Variants in HSPBAP1 observed in about 807,000 individuals in gnomAD.
HSPBAP1 encodes HSPB1-associated protein 1.
HSPBAP1 carries 27 observed loss-of-function variants against 45.2 expected under a neutral mutation model. That is an observed-to-expected ratio of 0.60 (90% CI 0.44 to 0.82). The LOEUF (loss-of-function observed/expected upper bound fraction) is 0.82, where lower values mean the gene tolerates loss of function less well. HSPBAP1 is among the 40% of genes least tolerant of loss of function. HSPBAP1 has a pLI of 0.00. For synonymous variants in HSPBAP1, 204 were observed against 202.7 expected (o/e 1.01, Z -0.06); for missense variants, 510 against 590.9 (o/e 0.86, Z 1.42).
At chr3:122,754,337 TG>T (rs1303364948) in intron 5 of HSPBAP1, 3 of 158,286 alleles carry the variant, frequency 1.9e-5, no homozygotes. Context: ...TTCTATGACG[TG>T]GATGACCCTT....
rs748795293 is a variant in HSPBAP1, at chr3:122,740,703, G to A, written c.1109C>T (p.Thr370Ile). ...NVCNHMEVGQ[T>I]GSQNLTTGTD... The stretch of plus-strand genomic sequence containing the variant: ...TCCTGTGGTCAAGTTCTGGCTACCT[G>A]TTTGGCCCACCTCCATGTGGTTGCA... The change falls in exon 8 of 8, where the codon ACA becomes ATA. Residue 370 changes from threonine (T) to isoleucine (I), a missense_variant. Transcript: ENST00000306103. The A allele has an allele frequency of 6.2e-7, 1 of 1,614,050 alleles. No individual in the cohort carries two copies. The highest frequency in any genetic ancestry group is 8.5e-7 in the Non-Finnish European group (1 of 1,180,024).
At chr3:122,771,836 A>G (rs1203666701) in intron 2 of HSPBAP1, among the ~76,000 whole-genome samples, 4 of 152,248 alleles carry the variant, frequency 2.6e-5, no homozygotes, top group African/African-American at 9.6e-5. Context: ...TATTCTAGAT[A>G]AATTCTAACC....
At chr3:122,787,100 T>TA (rs1278172177) in intron 1 of HSPBAP1, among the ~76,000 whole-genome samples, 3 of 152,168 alleles carry the variant, frequency 2.0e-5, no homozygotes, top group Admixed American at 1.3e-4. Context: ...TAGTAATTTT[T>TA]AACTAGATGA....
At chr3:122,771,575 T>C (rs1041142012) in intron 2 of HSPBAP1, among the ~76,000 whole-genome samples, 3 of 152,230 alleles carry the variant, frequency 2.0e-5, no homozygotes, top group Admixed American at 1.3e-4. Flanking sequence ...AAATAAGAAA[T>C]ACTACATGAT....
At chr3:122,778,519 T>TTTA (rs1560156494) in intron 1 of HSPBAP1, among the ~76,000 whole-genome samples, 14 of 116,266 alleles carry the variant, frequency 1.2e-4, no homozygotes, top group African/African-American at 3.8e-4. Flanking sequence ...TTTCTTTTTT[T>TTTA]TTTATTTTTT....
At chr3:122,753,789 A>G (rs1934244808) in intron 5 of HSPBAP1, 1 of 985,360 alleles carries the variant, frequency 1.0e-6, no homozygotes, top group Non-Finnish European at 1.2e-6. Context: ...CTATCAGAGT[A>G]AAGTTTCAGT....
intron 6 of HSPBAP1, among the ~76,000 whole-genome samples, chr3:122,747,366 G>A (rs1290714754): frequency 6.6e-6 from 1 of 151,648 alleles, no homozygotes; most frequent in Non-Finnish European, 1.5e-5. Context: ...GAAGTGAGGA[G>A]ACCCTCCGCC....
intron 6 of HSPBAP1, among the ~76,000 whole-genome samples, chr3:122,743,180 T>A (rs2107494797): frequency 6.6e-6 from 1 of 152,362 alleles, no homozygotes; most frequent in South Asian, 2.1e-4. Context: ...TGTACACATA[T>A]ACCACATTTT....
In HSPBAP1 at chr3:122,774,324, G is replaced by A. The variant is rs181432615; in HGVS notation, c.250+3397C>T. ...AAAAATGACATTTAAGCTAAGATCT[G>A]ACAGAAGGAGATGAATTATTTAGGT... On this transcript the variant is annotated intron_variant, in intron 2 of 7. Coordinates refer to ENST00000306103, the MANE Select transcript of HSPBAP1 (RefSeq NM_024610.6). Among the ~76,000 whole-genome samples the A allele has an allele frequency of 4.1e-3, 625 of 152,316 alleles. 3 individuals carry two copies. The highest frequency in any genetic ancestry group is 0.014 in the African/African-American group (571 of 41,544).
At chr3:122,761,128 G>C (rs1283825366) in intron 3 of HSPBAP1, among the ~76,000 whole-genome samples, 1 of 152,142 alleles carries the variant, frequency 6.6e-6, no homozygotes, top group Non-Finnish European at 1.5e-5. Context: ...CCACACCTCA[G>C]TCTGAGGAAT....
At chr3:122,755,894 T>C (rs1387983524) in intron 4 of HSPBAP1, among the ~76,000 whole-genome samples, 1 of 152,216 alleles carries the variant, frequency 6.6e-6, no homozygotes, top group Admixed American at 6.5e-5. Context: ...GTTTGGGTTA[T>C]AAATTCCTTA....
rs1238655202 is a variant in HSPBAP1 at position 122,752,619 on chromosome 3, G to C, written c.797C>G (p.Thr266Ser). The change falls in exon 6 of 8, where the codon ACT (threonine) becomes AGT (serine). Residue 266 changes from threonine to serine, a missense_variant. Coordinates refer to ENST00000306103, the MANE Select transcript of HSPBAP1 (RefSeq NM_024610.6). ...WHYVESIDPV[T>S]VSINSWIELE... ...TTCAATCCATGAGTTTATACTGACA[G>C]TGACAGGATCAATGGATTCTACGTA... 6.2e-7 allele frequency: 1 copy of C among 1,600,044 alleles called. No homozygotes were observed. Among genetic ancestry groups the C allele is most frequent in the Admixed American group, 1.7e-5 (1 of 57,668 alleles).
chr3:122,740,679 C>A lies in HSPBAP1; in HGVS notation c.1133G>T (p.Gly378Val), dbSNP rs1164389169. The A allele has an allele frequency of 6.2e-7, 1 of 1,614,030 alleles. No homozygotes were observed. Among genetic ancestry groups the A allele is most frequent in the Non-Finnish European group, 8.5e-7 (1 of 1,180,052 alleles). ...ACTTGCTGCCTCCGGTTTGTCTGTTCCTGTGGTCAAGTTCTGGCTACCTGT... is the reference window on the plus strand; with the variant it reads ...ACTTGCTGCCTCCGGTTTGTCTGTTACTGTGGTCAAGTTCTGGCTACCTGT... ...GQTGSQNLTT[G>V]TDKPEAASPF... Residue 378 changes from glycine to valine, a missense_variant, in exon 8 of 8, where the codon GGA (glycine) becomes GTA (valine). Coordinates refer to ENST00000306103, the MANE Select transcript of HSPBAP1 (RefSeq NM_024610.6).
chr3:122,762,573 A>G (rs550030250), intron 3 of HSPBAP1, among the ~76,000 whole-genome samples: 84 of 152,280 alleles, frequency 5.5e-4, no homozygotes, highest in African/African-American at 1.9e-3. Flanking sequence ...GCCTTGACTT[A>G]TAGTCAAGGA....
intron 4 of HSPBAP1, among the ~76,000 whole-genome samples, chr3:122,757,189 C>G (rs1576246038): frequency 6.6e-6 from 1 of 152,206 alleles, no homozygotes; most frequent in Non-Finnish European, 1.5e-5. Context: ...ATCATGTGAT[C>G]TCCTGCTTTA....
chr3:122,755,224 C>A (rs767119643), intron 5 of HSPBAP1, 36 bp downstream of exon 5: 38 of 1,475,710 alleles, frequency 2.6e-5, no homozygotes, highest in Non-Finnish European at 3.2e-5. Flanking sequence ...CTGTGGTGTC[C>A]CCTGGCAGGT....
In HSPBAP1 at chr3:122,777,711, A is replaced by G. The variant is rs770713339; in HGVS notation, c.250+10T>C. ...AGAGACATTATGATGGTGATTACCT[A>G]TAGTCATACCTGTGCTCATGCTTTT... On this transcript the variant is annotated intron_variant, in intron 2 of 7. Transcript: ENST00000306103. The G allele has an allele frequency of 5.6e-6, 9 of 1,602,546 alleles. No individual in the cohort carries two copies. The highest frequency in any genetic ancestry group is 4.5e-5 in the East Asian group (2 of 44,768).
Position 122,740,858 on chromosome 3 carries a change from A to C in HSPBAP1, c.954T>G (p.His318Gln). Residue 318 changes from histidine (H) to glutamine (Q), a missense_variant, in exon 8 of 8, where the codon CAT (histidine) becomes CAG (glutamine). Physicochemically the swap from His to Gln is conservative, Grantham distance 24. Transcript: ENST00000306103. The stretch of plus-strand genomic sequence containing the variant: ...CATTTAAGTAGCAACAGTTGACTGC[A>C]TGGGACGTTTCCTCAACCTAAGGGA... ...LNPTEVEETS[H>Q]AVNCCYLNAA... The C allele has an allele frequency of 1.2e-6, 2 of 1,614,070 alleles. No homozygotes were observed. Among genetic ancestry groups the C allele is most frequent in the Non-Finnish European group, 8.5e-7 (1 of 1,179,944 alleles).
intron 4 of HSPBAP1, among the ~76,000 whole-genome samples, chr3:122,757,420 T>C (rs991354358): frequency 2.6e-5 from 4 of 152,224 alleles, no homozygotes; most frequent in Non-Finnish European, 5.9e-5. Flanking sequence ...TTATCCATCC[T>C]TCAAGGCCCA....
Sources: allele counts gnomAD v4.1 joint callset (sites outside exome capture counted in the v4.1 genomes callset), GRCh38; gene constraint gnomAD v4.1.1; transcripts MANE v1.5; gene names NCBI Gene and HGNC (gene_info 2026-07-23, HGNC 2026-07-21).